EXOC3L4: variants seen among roughly 807,000 people sequenced by gnomAD.
EXOC3L4 encodes the protein exocyst complex component 3-like protein 4.
EXOC3L4 carries 62 observed loss-of-function variants against 69.7 expected under a neutral mutation model. That is an observed-to-expected ratio of 0.89 (90% CI 0.72 to 1.10). EXOC3L4 has a LOEUF of 1.10. Among genes scored for constraint, EXOC3L4 ranks in the 50% least tolerant of loss-of-function variants. The probability of loss-of-function intolerance (pLI) is 0.00; values close to 1 mark genes in which losing one functional copy is unlikely to be tolerated. For synonymous variants in EXOC3L4, 502 were observed against 464.2 expected (o/e 1.08, Z -1.05); for missense variants, 1,087 against 1,034.8 (o/e 1.05, Z -0.69).
At chr14:103,104,214 C>G in intron 4 of EXOC3L4, 53 bp from the exon 5 acceptor site, 1 of 1,495,946 alleles carries the variant, frequency 6.7e-7, no homozygotes, top group Non-Finnish European at 8.9e-7. Flanking sequence ...TCCCGGACGG[C>G]GCGGGACGGG....
chr14:103,098,088 G>T (rs1354234404), intron 1 of EXOC3L4, among the ~76,000 whole-genome samples: 1 of 152,108 alleles, frequency 6.6e-6, no homozygotes, highest in East Asian at 1.9e-4. Flanking sequence ...GGAGGCTGAG[G>T]GGCCATCTGG....
At position 103,102,727 on chromosome 14, in the gene EXOC3L4, AG is replaced by A. The variant is rs776826779; in HGVS notation, c.1005del (p.Glu335AspfsTer100). ...CTCGCGCGCGACGCCCGCGGCTGCG[AG>A]CAGCTCTATATCCTGCTGGACTGGG... Reference protein sequence around the residue: ...QELARDARGCEQLYILLDWAA... With the variant: ...QELARDARGCXQLYILLDWAA... On this transcript the variant is annotated frameshift_variant, in exon 3 of 12. Coordinates refer to ENST00000688303, the MANE Select transcript of EXOC3L4 (RefSeq NM_001077594.2). LOFTEE classifies it high-confidence loss of function. 3.9e-5 allele frequency: 56 copies of A among 1,452,108 alleles called. No individual in the cohort carries two copies. Among genetic ancestry groups the A allele is most frequent in the Non-Finnish European group, 5.0e-5 (55 of 1,106,606 alleles). 90.0% of individuals were successfully genotyped at this position (1,452,108 alleles called of 1,614,324 possible).
intron 8 of EXOC3L4, 48 bp downstream of exon 8, chr14:103,106,947 C>A (rs746137068): frequency 7.8e-6 from 11 of 1,413,142 alleles, no homozygotes. Context: ...CCAGCAGGCA[C>A]CCCCTATTTC....
chr14:103,098,561 A>G (rs1250285053), intron 1 of EXOC3L4: 5 of 152,284 alleles, frequency 3.3e-5, no homozygotes, highest in Admixed American at 1.3e-4. Flanking sequence ...TCTCCCAAAC[A>G]AGAAGGCGGG....
chr14:103,110,138 C>A lies in EXOC3L4; in HGVS notation c.2084C>A (p.Ala695Glu), dbSNP rs778283542. 6.4e-6 allele frequency: 10 copies of A among 1,551,366 alleles called. No individual in the cohort carries two copies. The Admixed American group carries it at 2.0e-4, about 31-fold the overall frequency. The change falls in exon 12 of 12, where the codon GCG becomes GAG. Residue 695 changes from alanine to glutamate, a missense_variant. Transcript: ENST00000688303. ...QDLLRAAAGA[A>E]GAEAPRGRVL... ...CTGCTGAGAGCTGCGGCCGGGGCGG[C>A]GGGTGCGGAGGCCCCTCGGGGCCGC...
At position 103,106,869 on chromosome 14, in the gene EXOC3L4, C is replaced by T. The variant is rs1238536538; in HGVS notation, c.1551C>T (p.His517=). The T allele has an allele frequency of 6.9e-6, 11 of 1,585,026 alleles. No homozygotes were observed. Among genetic ancestry groups the T allele is most frequent in the Non-Finnish European group, 9.4e-6 (11 of 1,164,154 alleles). ...LVTATCSFQK[H]LLQGLQRELQ... is the part of the protein sequence containing the mutation. ...CGGCCACCTGCAGCTTCCAGAAGCA[C>T]TTGCTTCAGGGCTTGCAGCGTGAGT... The change falls in exon 8 of 12, where the codon CAC becomes CAT. Residue 517 remains histidine (H), a synonymous_variant. Transcript: ENST00000688303.
chr14:103,110,188 C>T lies in EXOC3L4; in HGVS notation c.2134C>T (p.Pro712Ser), dbSNP rs1203782535. ...CGTGCTCTTCGAGGAGATCAAGGTG[C>T]CCAGTGCCATGGCTGTGCTGATCAC... is the stretch of plus-strand genomic sequence containing the variant. Reference protein sequence around the residue: ...GRVLFEEIKVPSAMAVLITCV With the variant: ...GRVLFEEIKVSSAMAVLITCV Residue 712 changes from proline (P) to serine (S), a missense_variant, in exon 12 of 12, where the codon CCC (proline) becomes TCC (serine). By Grantham distance (74) the Pro-to-Ser change is moderately conservative. Transcript: ENST00000688303. 2.6e-6 allele frequency: 4 copies of T among 1,522,924 alleles called. No homozygotes were observed. The Admixed American group carries it at 6.4e-5, about 24-fold the overall frequency. 94.3% of individuals were successfully genotyped at this position (1,522,924 alleles called of 1,614,324 possible). A position where few individuals can be genotyped will look rare whatever the true frequency, so the allele number is the denominator to read the frequency against.
At chr14:103,095,768 T>C (rs765088883) in intron 1 of EXOC3L4, among the ~76,000 whole-genome samples, 7 of 152,248 alleles carry the variant, frequency 4.6e-5, no homozygotes, top group Non-Finnish European at 1.0e-4. Context: ...AAGGTGTTGC[T>C]TGTATTTACA....
Position 103,107,452 on chromosome 14 carries a change from ACT to A in EXOC3L4, c.1611_1612del (p.Asp537GlufsTer97), listed in dbSNP as rs899700878. 2.5e-6 allele frequency: 4 copies of A among 1,613,810 alleles called. No homozygotes were observed. The highest frequency in any genetic ancestry group is 3.4e-6 in the Non-Finnish European group (4 of 1,180,000). On this transcript the variant is annotated frameshift_variant, in exon 9 of 12. Coordinates refer to ENST00000688303, the MANE Select transcript of EXOC3L4 (RefSeq NM_001077594.2). LOFTEE classifies it high-confidence loss of function. Reference sequence around the variant, plus strand: ...CTCTTCAGGGTTGTGTGCACCAGGGACTGGCTGACGCAGGACTGGCTGCATCC... The same window carrying A: ...CTCTTCAGGGTTGTGTGCACCAGGGAGGCTGACGCAGGACTGGCTGCATCC...
chr14:103,097,166 C>T lies in EXOC3L4; in HGVS notation c.-17+2326C>T, dbSNP rs1032926023. On this transcript the variant is annotated intron_variant, in intron 1 of 11. Transcript: ENST00000688303. The surrounding 1 kb of genome is among the most constrained non-coding windows in gnomAD (Gnocchi z 4.9). Reference sequence around the variant, plus strand: ...GTGGGGAAGTTCGGACTTGACTTCTCGGACACAGCTAGGGTGGCCCAGGGT... The same window carrying T: ...GTGGGGAAGTTCGGACTTGACTTCTTGGACACAGCTAGGGTGGCCCAGGGT... Among the ~76,000 whole-genome samples, 4 of 152,024 alleles carry T rather than the reference C, an allele frequency of 2.6e-5. No individual in the cohort carries two copies. Among genetic ancestry groups the T allele is most frequent in the Admixed American group, 6.5e-5 (1 of 15,276 alleles).
intron 3 of EXOC3L4, 150 bp from the exon 4 acceptor site, chr14:103,103,791 C>CGTGTGTGTGT (rs759189510): frequency 7.2e-5 from 33 of 459,242 alleles, no homozygotes; most frequent in African/African-American, 6.9e-4. Context: ...CCTAGAGGCG[C>CGTGTGTGTGT]GCGCGCGTGT....
In EXOC3L4 at chr14:103,103,354, C is replaced by CAAA. The variant is rs3070496; in HGVS notation, c.1050-572_1050-570dup. 7.1e-3 allele frequency among the ~76,000 whole-genome samples: 675 copies of CAAA among 94,884 alleles called. 13 individuals are homozygous for CAAA. The highest frequency in any genetic ancestry group is 0.026 in the African/African-American group (626 of 24,160). The allele number at this position is 94,884 out of a possible 152,430, so 62.2% of individuals were successfully genotyped here. On this transcript the variant is annotated intron_variant, in intron 3 of 11. Transcript: ENST00000688303. ...TGGGCGACAGAGCAAGACTCTGTCT[C>CAAA]AAAAAAAAAAAAAAAAAGAAAGAAA... is the stretch of plus-strand genomic sequence containing the variant.
intron 1 of EXOC3L4, among the ~76,000 whole-genome samples, chr14:103,095,603 G>C (rs752784453): frequency 1.3e-5 from 2 of 152,238 alleles, no homozygotes; most frequent in African/African-American, 4.8e-5. Flanking sequence ...ACTGAAGCCA[G>C]AGGGGTCATT....
chr14:103,104,489 C>G, intron 5 of EXOC3L4, 100 bp downstream of exon 5: 1 of 1,397,490 alleles, frequency 7.2e-7, no homozygotes, highest in Non-Finnish European at 9.3e-7. Flanking sequence ...CCAACCAACC[C>G]TTCCGTTAGA....
At chr14:103,101,911 G>A (rs998000324) in intron 2 of EXOC3L4, among the ~76,000 whole-genome samples, 7 of 152,244 alleles carry the variant, frequency 4.6e-5, no homozygotes, top group African/African-American at 1.7e-4. Flanking sequence ...TGGGGCCCCA[G>A]GTTCTGCCTC....
chr14:103,108,255 A>T (rs1890688799), intron 10 of EXOC3L4, 141 bp from the exon 11 acceptor site: 1 of 1,294,308 alleles, frequency 7.7e-7, no homozygotes, highest in African/African-American at 1.5e-5. Context: ...TGGGGGAGGC[A>T]GTCCCGGCAC....
chr14:103,095,446 GGAGGAGCCATTTCTGCT>G (rs1889850301), intron 1 of EXOC3L4, among the ~76,000 whole-genome samples: 1 of 152,236 alleles, frequency 6.6e-6, no homozygotes, highest in Non-Finnish European at 1.5e-5. Context: ...GCTTCTTGGG[GGAGGAGCCATTTCTGCT>G]GAGCCTTCAA....
chr14:103,105,186 G>C, intron 7 of EXOC3L4, 114 bp downstream of exon 7: 1 of 1,014,068 alleles, frequency 9.9e-7, no homozygotes, highest in Non-Finnish European at 1.4e-6. Context: ...GGTGAGGAGT[G>C]TGTGTGTGTG....
chr14:103,110,495 G>C lies in EXOC3L4; in HGVS notation c.*272G>C. On this transcript the variant is annotated 3_prime_UTR_variant, in exon 12 of 12. Coordinates refer to ENST00000688303, the MANE Select transcript of EXOC3L4 (RefSeq NM_001077594.2). The stretch of plus-strand genomic sequence containing the variant: ...GGGGGGCCTCCCGCCCGACTGTCCA[G>C]CTTCACCCTCCAGTCTGAAAGTGAA... 1 of 590,740 alleles carries C rather than the reference G, an allele frequency of 1.7e-6. No individual in the cohort carries two copies. The allele number at this position is 590,740 out of a possible 1,614,324, so 36.6% of individuals were successfully genotyped here. A position where few individuals can be genotyped will look rare whatever the true frequency, so the allele number is the denominator to read the frequency against.
Sources: allele counts gnomAD v4.1 joint callset (sites outside exome capture counted in the v4.1 genomes callset), GRCh38; gene constraint gnomAD v4.1.1; non-coding constraint Gnocchi (gnomAD v3.1); transcripts MANE v1.5; gene names NCBI Gene and HGNC (gene_info 2026-07-23, HGNC 2026-07-21).